MFN2: variants seen among roughly 807,000 people sequenced by gnomAD.
MFN2 encodes the protein mitofusin 2, also known as mitofusin-2.
MFN2 carries 43 observed loss-of-function variants against 87.5 expected under a neutral mutation model. That is an observed-to-expected ratio of 0.49 (90% CI 0.38 to 0.63). The LOEUF is 0.63. Among genes scored for constraint, MFN2 ranks in the 30% least tolerant of loss-of-function variants. The probability of loss-of-function intolerance (pLI) is 0.00; values close to 1 mark genes in which losing one functional copy is unlikely to be tolerated. For missense variants in MFN2, 743 were observed against 972.8 expected (o/e 0.76, Z 3.14); for synonymous variants, 337 against 359.9 (o/e 0.94, Z 0.72).
rs908679794 is a variant in MFN2 at position 12,003,494 on chromosome 1, G to A, written c.1161-498G>A. Among the ~76,000 whole-genome samples the A allele has an allele frequency of 8.5e-5, 13 of 152,288 alleles. No homozygotes were observed. Among genetic ancestry groups the A allele is most frequent in the African/African-American group, 3.1e-4 (13 of 41,554 alleles). On this transcript the variant is annotated intron_variant, in intron 11 of 18. Coordinates refer to ENST00000235329, the MANE Select transcript of MFN2 (RefSeq NM_014874.4). This position sits in a 1 kb window ranked among gnomAD's most constrained non-coding sequence, Gnocchi z 4.1. ...AGCCTGACCAACACGGAGAAACCCTGTCTCTGCTAAAAATACAAAATTAGC... is the reference window on the plus strand; with the variant it reads ...AGCCTGACCAACACGGAGAAACCCTATCTCTGCTAAAAATACAAAATTAGC...
intron 17 of MFN2, 135 bp downstream of exon 17, chr1:12,007,384 G>C: frequency 8.9e-7 from 1 of 1,118,354 alleles, no homozygotes; most frequent in Middle Eastern, 2.8e-4. Context: ...GCCTTCAGGT[G>C]TGCAGGGCCA....
In MFN2 at chr1:12,011,964, T is replaced by G; in HGVS notation, c.*399T>G. On this transcript the variant is annotated 3_prime_UTR_variant, in exon 19 of 19. Coordinates refer to ENST00000235329, the MANE Select transcript of MFN2 (RefSeq NM_014874.4). Reference sequence around the variant, plus strand: ...CACCTTCCTCCAGCCTGTGCGCACCTGCCCTCCTTGCAGCCCAGCACACCT... The same window carrying G: ...CACCTTCCTCCAGCCTGTGCGCACCGGCCCTCCTTGCAGCCCAGCACACCT... 1 of 258,742 alleles carries G rather than the reference T, an allele frequency of 3.9e-6. No individual in the cohort carries two copies. Among genetic ancestry groups the G allele is most frequent in the Non-Finnish European group, 7.7e-6 (1 of 130,146 alleles). The allele number at this position is 258,742 out of a possible 1,614,324, so 16.0% of individuals were successfully genotyped here. A position where few individuals can be genotyped will look rare whatever the true frequency, so the allele number is the denominator to read the frequency against.
intron 2 of MFN2, among the ~76,000 whole-genome samples, chr1:11,987,939 A>C (rs919073958): frequency 6.6e-6 from 1 of 152,210 alleles, no homozygotes; most frequent in African/African-American, 2.4e-5. Context: ...TAACAGCGAG[A>C]TCTTGTCTCA....
chr1:12,004,726 G>GC lies in MFN2; in HGVS notation c.1393-96dup. 1 of 1,490,400 alleles carries GC rather than the reference G, an allele frequency of 6.7e-7. No homozygotes were observed. The highest frequency in any genetic ancestry group is 1.1e-5 in the South Asian group (1 of 87,764). 92.3% of individuals were successfully genotyped at this position (1,490,400 alleles called of 1,614,324 possible). A position where few individuals can be genotyped will look rare whatever the true frequency, so the allele number is the denominator to read the frequency against. On this transcript the variant is annotated intron_variant, in intron 13 of 18. Coordinates refer to ENST00000235329, the MANE Select transcript of MFN2 (RefSeq NM_014874.4). The surrounding 1 kb of genome is among the most constrained non-coding windows in gnomAD (Gnocchi z 4.2). ...TGACAGTAGAAGCCACAGAGACAAGGCCCAGGCTTCCGTCAGCCTTCTGGG... is the reference window on the plus strand; with the variant it reads ...TGACAGTAGAAGCCACAGAGACAAGGCCCCAGGCTTCCGTCAGCCTTCTGGG...
At chr1:11,989,469 T>G (rs1243284120) in intron 3 of MFN2, 126 bp downstream of exon 3, 1 of 1,100,164 alleles carries the variant, frequency 9.1e-7, no homozygotes, top group Non-Finnish European at 1.3e-6. Context: ...TTAGAAATGC[T>G]CTGCTCTTGA....
At chr1:11,997,215 T>G (rs1569834127) in intron 5 of MFN2, 82 bp from the exon 6 acceptor site, 20 of 1,601,234 alleles carry the variant, frequency 1.2e-5, no homozygotes, top group Non-Finnish European at 1.7e-5. Flanking sequence ...TCCCAGCCAC[T>G]GTGCTGTGAT....
intron 17 of MFN2, among the ~76,000 whole-genome samples, chr1:12,008,857 G>A (rs899031141): frequency 3.9e-5 from 6 of 152,234 alleles, no homozygotes; most frequent in South Asian, 2.1e-4. Flanking sequence ...CAAGGCAGGC[G>A]GCTGGGAGGT....
intron 17 of MFN2, among the ~76,000 whole-genome samples, chr1:12,009,060 C>A (rs1000183195): frequency 6.6e-6 from 1 of 152,190 alleles, no homozygotes; most frequent in African/African-American, 2.4e-5. Context: ...ACCAGTCAGG[C>A]GTGGCGGCGC....
Position 12,011,838 on chromosome 1 carries a change from T to C in MFN2, c.*273T>C. 1.8e-6 allele frequency: 1 copy of C among 542,726 alleles called. No homozygotes were observed. The highest frequency in any genetic ancestry group is 2.2e-5 in the South Asian group (1 of 46,184). The allele number at this position is 542,726 out of a possible 1,614,324, so 33.6% of individuals were successfully genotyped here. A position where few individuals can be genotyped will look rare whatever the true frequency, so the allele number is the denominator to read the frequency against. On this transcript the variant is annotated 3_prime_UTR_variant, in exon 19 of 19. Transcript: ENST00000235329. ...ACCAAGGAGTTAAGTTGAGGCTTTT[T>C]CCAGCTTTCTCTGGTTCATTTGATT...
At chr1:12,008,593 C>T (rs1247856337) in intron 17 of MFN2, among the ~76,000 whole-genome samples, 1 of 149,072 alleles carries the variant, frequency 6.7e-6, no homozygotes, top group South Asian at 2.2e-4. Context: ...CAGAGACGCT[C>T]CTCACCTCCT....
intron 1 of MFN2, among the ~76,000 whole-genome samples, chr1:11,981,547 A>G (rs924789789): frequency 3.3e-5 from 5 of 152,260 alleles, no homozygotes; most frequent in African/African-American, 9.6e-5. Flanking sequence ...CCTCTGTCCC[A>G]CAGAATAGAG....
In MFN2 at chr1:11,997,363, G is replaced by A. The variant is rs863224064; in HGVS notation, c.541G>A (p.Val181Met). The part of the protein sequence containing the change: ...KQLHAGSLVS[V>M]MWPNSKCPLL... The stretch of plus-strand genomic sequence containing the variant: ...GCTCCATGCCGGCAGCCTAGTGAGT[G>A]TGATGTGGCCCAACTCTAAGTGCCC... The change falls in exon 6 of 19, where the codon GTG becomes ATG. Residue 181 changes from valine to methionine, a missense_variant. Coordinates refer to ENST00000235329, the MANE Select transcript of MFN2 (RefSeq NM_014874.4). 14 of 1,614,084 alleles carry A rather than the reference G, an allele frequency of 8.7e-6. No homozygotes were observed. Among genetic ancestry groups the A allele is most frequent in the Non-Finnish European group, 1.2e-5 (14 of 1,180,038 alleles).
At chr1:12,010,213 A>C (rs570915690) in intron 18 of MFN2, among the ~76,000 whole-genome samples, 1 of 152,342 alleles carries the variant, frequency 6.6e-6, no homozygotes, top group African/African-American at 2.4e-5. Flanking sequence ...ATGGTGCTGG[A>C]GGCTCAACAA....
chr1:12,008,955 C>G (rs754580184), intron 17 of MFN2, among the ~76,000 whole-genome samples: 15 of 152,358 alleles, frequency 9.8e-5, no homozygotes, highest in East Asian at 1.9e-4. Context: ...CCCGGCACCT[C>G]GGGAGGCCGA....
chr1:12,007,864 G>A (rs927523465), intron 17 of MFN2, among the ~76,000 whole-genome samples: 2 of 151,996 alleles, frequency 1.3e-5, no homozygotes, highest in African/African-American at 2.4e-5. Flanking sequence ...AGTGAACAAA[G>A]GTCTCTGGTT....
rs762210837 is a variant in MFN2 at position 12,002,084 on chromosome 1, A to T, written c.1141A>T (p.Met381Leu). The T allele has an allele frequency of 1.2e-6, 2 of 1,614,242 alleles. No individual in the cohort carries two copies. Among genetic ancestry groups the T allele is most frequent in the Non-Finnish European group, 1.7e-6 (2 of 1,180,034 alleles). ...TCGACTCATCATGGACTCCCTGCAC[A>T]TGGCGGCTCGGGAGCAGCAGTAAGA... is the stretch of plus-strand genomic sequence containing the variant. ...AVRLIMDSLH[M>L]AAREQQVYCE... The change falls in exon 11 of 19, where the codon ATG becomes TTG. Residue 381 changes from methionine (M) to leucine (L), a missense_variant. Met to Leu is a conservative substitution (Grantham distance 15). This residue lies in a region of MFN2 where 571 missense variants were observed against 670.7 expected (regional missense o/e 0.85). Transcript: ENST00000235329.
chr1:12,007,564 T>C (rs929916530), intron 17 of MFN2, among the ~76,000 whole-genome samples: 1 of 152,216 alleles, frequency 6.6e-6, no homozygotes, highest in South Asian at 2.1e-4. Flanking sequence ...GGATGTAGTT[T>C]TGAAGTTTTT....
chr1:12,012,384 G>C lies in MFN2; in HGVS notation c.*819G>C, dbSNP rs943659654. The C allele has an allele frequency of 3.2e-5, 4 of 123,140 alleles. No individual in the cohort carries two copies. Among genetic ancestry groups the C allele is most frequent in the African/African-American group, 1.2e-4 (4 of 32,186 alleles). The allele number at this position is 123,140 out of a possible 1,614,324, so 7.6% of individuals were successfully genotyped here. ...TAGATCTGTTTTGGAAGATGGCATG[G>C]TCTAGGTGGTTGAAGGATGTAGTAG... is the stretch of plus-strand genomic sequence containing the variant. On this transcript the variant is annotated 3_prime_UTR_variant, in exon 19 of 19. Transcript: ENST00000235329.
chr1:11,983,636 C>G (rs1006821886), intron 2 of MFN2, among the ~76,000 whole-genome samples: 3 of 152,158 alleles, frequency 2.0e-5, no homozygotes, highest in African/African-American at 7.2e-5. Context: ...CAGAGATTAT[C>G]AAGGCTTTCC....
Sources: allele counts gnomAD v4.1 joint callset (sites outside exome capture counted in the v4.1 genomes callset), GRCh38; gene constraint gnomAD v4.1.1; regional missense constraint gnomAD v4.1.1; non-coding constraint Gnocchi (gnomAD v3.1); transcripts MANE v1.5; gene names NCBI Gene and HGNC (gene_info 2026-07-23, HGNC 2026-07-21).